Variants in DTNB observed in about 807,000 individuals in gnomAD.
DTNB encodes dystrobrevin beta.
In DTNB, 63 loss-of-function variants were observed where a neutral mutation model predicts 90.7. That is an observed-to-expected ratio of 0.69 (90% CI 0.57 to 0.86). DTNB has a LOEUF of 0.86. Ranked by LOEUF, DTNB falls within the 40% of genes least tolerant of loss-of-function variation. The pLI, the probability that DTNB is intolerant of heterozygous loss-of-function variation, is 0.00. For synonymous variants in DTNB, 277 were observed against 286.7 expected, an observed-to-expected ratio of 0.97 and a Z score of 0.34; for missense variants, 744 against 807.1, an observed-to-expected ratio of 0.92 and a Z score of 0.95.
In DTNB at chr2:25,420,472, ATCTATCT is replaced by A. The variant is rs1558447310; in HGVS notation, c.1555-944_1555-938del. On this transcript the variant is annotated intron_variant, in intron 15 of 20. Coordinates refer to ENST00000406818, the MANE Select transcript of DTNB (RefSeq NM_021907.5). ...TGGTCTCTGTCATCTAAATCAATCT[ATCTATCT>A]ATCTATCTATCTATCTATCTATCTA... Among the ~76,000 whole-genome samples, 79 of 40,228 alleles carry A rather than the reference ATCTATCT, an allele frequency of 2.0e-3. 1 individual carries two copies. The highest frequency in any genetic ancestry group is 0.011 in the East Asian group (28 of 2,436). 26.4% of individuals were successfully genotyped at this position (40,228 alleles called of 152,430 possible).
intron 14 of DTNB, among the ~76,000 whole-genome samples, chr2:25,431,072 TTATG>T (rs1184746929): frequency 6.6e-6 from 1 of 152,182 alleles, no homozygotes; most frequent in African/African-American, 2.4e-5. Context: ...ATCCAGCCCT[TTATG>T]TGTCTTTTGA....
intron 8 of DTNB, among the ~76,000 whole-genome samples, chr2:25,569,746 T>G (rs185800084): frequency 2.6e-5 from 4 of 152,242 alleles, no homozygotes; most frequent in African/African-American, 9.6e-5. Flanking sequence ...TGTCATCTTG[T>G]GGGGAGGAAA....
intron 10 of DTNB, among the ~76,000 whole-genome samples, chr2:25,456,284 C>A (rs1312399328): frequency 6.6e-6 from 1 of 152,112 alleles, no homozygotes; most frequent in African/African-American, 2.4e-5. Context: ...TGTGCAGGGA[C>A]GAGTGGCTAA....
chr2:25,482,977 G>A (rs1377559531), intron 9 of DTNB, 104 bp from the exon 10 acceptor site: 6 of 1,211,670 alleles, frequency 5.0e-6, no homozygotes, highest in African/African-American at 3.1e-5. Flanking sequence ...CATCATTCGC[G>A]GTAAGCACAG....
chr2:25,666,871 C>G (rs763913096), intron 1 of DTNB, among the ~76,000 whole-genome samples: 27 of 152,208 alleles, frequency 1.8e-4, no homozygotes, highest in Middle Eastern at 6.8e-3. Flanking sequence ...AGCAATGATG[C>G]TGGAGCTGAA....
intron 16 of DTNB, among the ~76,000 whole-genome samples, chr2:25,417,836 C>G (rs2048346247): frequency 6.6e-6 from 1 of 152,200 alleles, no homozygotes; most frequent in Admixed American, 6.5e-5. Context: ...CTCCCTCCAA[C>G]AGTCTCACTC....
At chr2:25,596,057 A>G (rs1347983920) in intron 6 of DTNB, 29 bp downstream of exon 6, 2 of 1,548,228 alleles carry the variant, frequency 1.3e-6, no homozygotes, top group African/African-American at 2.8e-5. Context: ...GCGCTCTTCT[A>G]GCCCTAGATT....
chr2:25,454,819 A>G (rs913006691), intron 11 of DTNB, among the ~76,000 whole-genome samples: 1 of 152,186 alleles, frequency 6.6e-6, no homozygotes, highest in African/African-American at 2.4e-5. Flanking sequence ...ATTATAATAC[A>G]TGTAACTATT....
At chr2:25,643,869 GAT>G (rs1315151946) in intron 2 of DTNB, among the ~76,000 whole-genome samples, 1 of 152,180 alleles carries the variant, frequency 6.6e-6, no homozygotes, top group Non-Finnish European at 1.5e-5. Context: ...CACAGGATGA[GAT>G]AGGAGGTCAG....
At chr2:25,593,848 T>C (rs2064039426) in intron 6 of DTNB, among the ~76,000 whole-genome samples, 1 of 152,204 alleles carries the variant, frequency 6.6e-6, no homozygotes, top group Non-Finnish European at 1.5e-5. Flanking sequence ...TTCTCAGTGT[T>C]CATCACTGAG....
intron 8 of DTNB, among the ~76,000 whole-genome samples, chr2:25,543,311 TTG>T (rs2081699717): frequency 7.4e-6 from 1 of 135,412 alleles, no homozygotes; most frequent in African/African-American, 3.1e-5. Context: ...GTTTTGTTTT[TTG>T]TTTTTTTTTT....
chr2:25,580,480 C>T (rs1000209402), intron 7 of DTNB, among the ~76,000 whole-genome samples: 23 of 150,218 alleles, frequency 1.5e-4, no homozygotes, highest in South Asian at 2.1e-4. Flanking sequence ...AGGATTGCAC[C>T]ACAGCACTCC....
intron 6 of DTNB, among the ~76,000 whole-genome samples, chr2:25,581,210 A>C (rs1224857649): frequency 6.6e-6 from 1 of 152,118 alleles, no homozygotes; most frequent in Non-Finnish European, 1.5e-5. Context: ...AAGAGAAGAC[A>C]CCCCACACCC....
At chr2:25,671,552 C>T (rs1029447338) in intron 1 of DTNB, among the ~76,000 whole-genome samples, 1 of 152,142 alleles carries the variant, frequency 6.6e-6, no homozygotes, top group Non-Finnish European at 1.5e-5. Flanking sequence ...TTATTTTTCA[C>T]ACGAAGAAAC....
At chr2:25,446,318 C>G (rs112271002) in intron 12 of DTNB, among the ~76,000 whole-genome samples, 134 of 152,288 alleles carry the variant, frequency 8.8e-4, no homozygotes, top group African/African-American at 3.2e-3. Context: ...TTCACTGCAA[C>G]CTTGAACTTC....
At position 25,430,073 on chromosome 2, in the gene DTNB, T is replaced by C. The variant is rs543294030; in HGVS notation, c.1458-2442A>G. Among the ~76,000 whole-genome samples the C allele has an allele frequency of 4.9e-4, 74 of 152,214 alleles. 1 individual carries two copies. Among genetic ancestry groups the C allele is most frequent in the Admixed American group, 2.0e-3 (30 of 15,280 alleles). ...GTTCCAAATGCTTCCAGAGGAAAATTAGACACACAAAGGTGGTAGGGAATA... is the reference window on the plus strand; with the variant it reads ...GTTCCAAATGCTTCCAGAGGAAAATCAGACACACAAAGGTGGTAGGGAATA... On this transcript the variant is annotated intron_variant, in intron 14 of 20. Coordinates refer to ENST00000406818, the MANE Select transcript of DTNB (RefSeq NM_021907.5).
At chr2:25,469,661 G>A (rs984780451) in intron 10 of DTNB, among the ~76,000 whole-genome samples, 1 of 152,092 alleles carries the variant, frequency 6.6e-6, no homozygotes, top group African/African-American at 2.4e-5. Flanking sequence ...TGGCCAGGCT[G>A]GTCTCAAACT....
At chr2:25,478,338 T>G (rs2064155770) in intron 10 of DTNB, among the ~76,000 whole-genome samples, 1 of 152,156 alleles carries the variant, frequency 6.6e-6, no homozygotes, top group South Asian at 2.1e-4. Context: ...CTGGGAAAAG[T>G]GCGAGAGCGT....
At chr2:25,450,124 A>G (rs1311191575) in intron 12 of DTNB, among the ~76,000 whole-genome samples, 1 of 152,168 alleles carries the variant, frequency 6.6e-6, no homozygotes, top group Admixed American at 6.5e-5. Context: ...TATTCTTCCT[A>G]AGAGAATGAA....
Sources: allele counts gnomAD v4.1 joint callset (sites outside exome capture counted in the v4.1 genomes callset), GRCh38; gene constraint gnomAD v4.1.1; transcripts MANE v1.5; gene names NCBI Gene and HGNC (gene_info 2026-07-23, HGNC 2026-07-21).